Variants in BTRC observed in about 807,000 individuals in gnomAD.
BTRC encodes the protein F-box/WD repeat-containing protein 1A.
In BTRC, 42 loss-of-function variants were observed where a neutral mutation model predicts 85.5. That is an observed-to-expected ratio of 0.49 (90% confidence interval 0.38 to 0.64). The LOEUF is 0.64. BTRC is among the 30% of genes least tolerant of loss of function. The pLI is 0.00. For missense variants in BTRC, 594 were observed against 743.5 expected (o/e 0.80, Z 2.34); for synonymous variants, 255 against 263.3 (o/e 0.97, Z 0.30).
intron 4 of BTRC, among the ~76,000 whole-genome samples, chr10:101,505,938 G>A (rs1437601242): frequency 2.0e-4 from 30 of 148,884 alleles, no homozygotes; most frequent in East Asian, 9.9e-4. Flanking sequence ...TTTTTGAGAC[G>A]GAGTCTCGCT....
chr10:101,480,042 A>G (rs1945794588), intron 4 of BTRC, among the ~76,000 whole-genome samples: 1 of 152,160 alleles, frequency 6.6e-6, no homozygotes, highest in Non-Finnish European at 1.5e-5. Context: ...ATCTATCATA[A>G]CTCACATTTT....
rs1234433150 is a variant in BTRC, at chr10:101,553,949, A to G, written c.*826A>G. 3.0e-5 allele frequency: 4 copies of G among 133,462 alleles called. No individual in the cohort carries two copies. The highest frequency in any genetic ancestry group is 1.4e-4 in the African/African-American group (4 of 29,430). 8.3% of individuals were successfully genotyped at this position (133,462 alleles called of 1,614,324 possible). On this transcript the variant is annotated 3_prime_UTR_variant, in exon 15 of 15. Transcript: ENST00000370187. The stretch of plus-strand genomic sequence containing the variant: ...ATTTCAGCCCCAGGCCTTTGCTGCA[A>G]GTGACCCTGTGGCAACAGTGGATTC...
chr10:101,521,533 G>C (rs1414180042), intron 4 of BTRC, 106 bp from the exon 5 acceptor site: 8 of 780,714 alleles, frequency 1.0e-5, no homozygotes, highest in Non-Finnish European at 1.6e-5. Flanking sequence ...AACAGAGTGG[G>C]CTCAATCATG....
chr10:101,433,557 A>C (rs558272018), intron 2 of BTRC, among the ~76,000 whole-genome samples: 1 of 152,202 alleles, frequency 6.6e-6, no homozygotes, highest in South Asian at 2.1e-4. Flanking sequence ...GGCTTGGTGC[A>C]TTTAAGGACC....
chr10:101,534,577 A>G, intron 9 of BTRC, 84 bp from the exon 10 acceptor site: 2 of 1,534,602 alleles, frequency 1.3e-6, no homozygotes, highest in Non-Finnish European at 1.8e-6. Context: ...CTCTAAATAT[A>G]AGGGGTGGAA....
intron 4 of BTRC, among the ~76,000 whole-genome samples, chr10:101,514,177 C>CT (rs2061992779): frequency 6.6e-6 from 1 of 152,060 alleles, no homozygotes; most frequent in Non-Finnish European, 1.5e-5. Flanking sequence ...GATACAAGTC[C>CT]TTTGTGAAAT....
At chr10:101,371,778 G>C (rs990758731) in intron 1 of BTRC, among the ~76,000 whole-genome samples, 1 of 151,908 alleles carries the variant, frequency 6.6e-6, no homozygotes, top group African/African-American at 2.4e-5. Flanking sequence ...ATTTAGCTCT[G>C]CAATCCATCT....
At chr10:101,418,145 T>G (rs554730318) in intron 1 of BTRC, among the ~76,000 whole-genome samples, 1 of 152,218 alleles carries the variant, frequency 6.6e-6, no homozygotes, top group East Asian at 1.9e-4. Flanking sequence ...GGCAGGTGGG[T>G]CATTTGAGGC....
chr10:101,421,427 A>G (rs1025052326), intron 1 of BTRC, among the ~76,000 whole-genome samples: 1 of 151,742 alleles, frequency 6.6e-6, no homozygotes, highest in African/African-American at 2.4e-5. Context: ...CTTACTAACT[A>G]CTCATCAACG....
intron 3 of BTRC, 138 bp from the exon 4 acceptor site, chr10:101,479,230 C>T (rs1027212759): frequency 5.2e-6 from 3 of 573,916 alleles, no homozygotes; most frequent in African/African-American, 1.9e-5. Flanking sequence ...TCTAACTTAC[C>T]TCTCAGTTCC....
At chr10:101,393,492 A>C (rs1321389925) in intron 1 of BTRC, among the ~76,000 whole-genome samples, 4 of 152,196 alleles carry the variant, frequency 2.6e-5, no homozygotes, top group African/African-American at 9.7e-5. Flanking sequence ...GGTGTTCTGG[A>C]TAAGTCATAG....
At chr10:101,494,682 G>T (rs941737414) in intron 4 of BTRC, among the ~76,000 whole-genome samples, 1 of 152,130 alleles carries the variant, frequency 6.6e-6, no homozygotes, top group African/African-American at 2.4e-5. Context: ...GAAAAGCCAT[G>T]TTTCTTTCAG....
At chr10:101,441,879 CAA>C (rs35543012) in intron 2 of BTRC, among the ~76,000 whole-genome samples, 2 of 85,744 alleles carry the variant, frequency 2.3e-5, no homozygotes, top group African/African-American at 9.2e-5. Context: ...GAGACTGTCT[CAA>C]AAAAAAAAAA....
At chr10:101,524,633 A>G (rs1256125503) in intron 5 of BTRC, among the ~76,000 whole-genome samples, 1 of 152,212 alleles carries the variant, frequency 6.6e-6, no homozygotes, top group Non-Finnish European at 1.5e-5. Context: ...TGAAATGATC[A>G]GGAACAATTT....
At chr10:101,389,875 T>A (rs979775735) in intron 1 of BTRC, among the ~76,000 whole-genome samples, 1 of 152,152 alleles carries the variant, frequency 6.6e-6, no homozygotes, top group Non-Finnish European at 1.5e-5. Context: ...TCTGTCTACC[T>A]CAGCCTTCCA....
At chr10:101,425,118 G>C (rs1203516144) in intron 1 of BTRC, among the ~76,000 whole-genome samples, 1 of 152,162 alleles carries the variant, frequency 6.6e-6, no homozygotes, top group Non-Finnish European at 1.5e-5. Context: ...ATGTTCTGCA[G>C]AGGACATGAT....
At chr10:101,412,262 T>C (rs948304002) in intron 1 of BTRC, among the ~76,000 whole-genome samples, 1 of 152,246 alleles carries the variant, frequency 6.6e-6, no homozygotes, top group African/African-American at 2.4e-5. Flanking sequence ...TCACTAATTC[T>C]TTTTAGCCTT....
At chr10:101,544,098 A>T (rs1307110995) in intron 13 of BTRC, among the ~76,000 whole-genome samples, 1 of 152,066 alleles carries the variant, frequency 6.6e-6, no homozygotes, top group East Asian at 1.9e-4. Flanking sequence ...TTTAATAGAG[A>T]TGGGATTTCA....
At chr10:101,362,042 C>T (rs182875177) in intron 1 of BTRC, among the ~76,000 whole-genome samples, 6 of 152,280 alleles carry the variant, frequency 3.9e-5, no homozygotes, top group Admixed American at 3.9e-4. Flanking sequence ...CTCACTGCAA[C>T]CCCCGACTCC....
Sources: allele counts gnomAD v4.1 joint callset (sites outside exome capture counted in the v4.1 genomes callset), GRCh38; gene constraint gnomAD v4.1.1; transcripts MANE v1.5; gene names NCBI Gene and HGNC (gene_info 2026-07-23, HGNC 2026-07-21).